The following PALD1 variants were observed in gnomAD, a reference collection of about 807,000 sequenced individuals.
PALD1 encodes the protein paladin.
A neutral mutation model predicts 96.0 loss-of-function variants in PALD1; 57 were observed. That is an observed-to-expected ratio of 0.59 (90% CI 0.48 to 0.74). The LOEUF (loss-of-function observed/expected upper bound fraction) is 0.74, where lower values mean the gene tolerates loss of function less well. Among genes scored for constraint, PALD1 ranks in the 30% least tolerant of loss-of-function variants. PALD1 has a pLI of 0.00. For missense variants in PALD1, 1,063 were observed against 1,143.7 expected, an observed-to-expected ratio of 0.93 and a Z score of 1.02; for synonymous variants, 464 against 473.6, an observed-to-expected ratio of 0.98 and a Z score of 0.26.
In PALD1 at chr10:70,539,118, G is replaced by A; in HGVS notation, c.1596G>A (p.Leu532=). ...CCCTGGGGAGCATCCTGGCCTACCT[G>A]ACGGACGCCAAGAGGAGGCTGCGGA... is the stretch of plus-strand genomic sequence containing the variant. ...AKALGSILAY[L]TDAKRRLRKV... is the part of the protein sequence containing the mutation. Residue 532 remains leucine, a synonymous_variant, in exon 14 of 20, where the codon CTG becomes CTA. Coordinates refer to ENST00000263563, the MANE Select transcript of PALD1 (RefSeq NM_014431.3). The surrounding 1 kb of genome is among the most constrained non-coding windows in gnomAD (Gnocchi z 4.5). 1 of 1,613,948 alleles carries A rather than the reference G, an allele frequency of 6.2e-7. No individual in the cohort carries two copies. The highest frequency in any genetic ancestry group is 1.1e-5 in the South Asian group (1 of 91,074).
chr10:70,525,408 G>A (rs1366040172), intron 1 of PALD1, among the ~76,000 whole-genome samples: 1 of 151,880 alleles, frequency 6.6e-6, no homozygotes, highest in African/African-American at 2.4e-5. Context: ...GACTTCCCTG[G>A]CCTTATTTTA....
chr10:70,466,867 G>C, the PALD1 span, among the ~76,000 whole-genome samples: 5 of 152,144 alleles, frequency 3.3e-5, no homozygotes, highest in Non-Finnish European at 5.9e-5. Context: ...CCAGGGCTCC[G>C]AGAGTCCCCT....
At chr10:70,529,122 G>T (rs192267083) in intron 2 of PALD1, 107 bp from the exon 3 acceptor site, 4 of 626,210 alleles carry the variant, frequency 6.4e-6, no homozygotes, top group Admixed American at 4.6e-5. Context: ...GCCACAAATC[G>T]TAGCCACAGG....
At chr10:70,493,050 C>T (rs1846125231) in intron 1 of PALD1, among the ~76,000 whole-genome samples, 1 of 152,102 alleles carries the variant, frequency 6.6e-6, no homozygotes, top group South Asian at 2.1e-4. Flanking sequence ...GTGCGAGCTA[C>T]AGGAAACAAA....
intron 1 of PALD1, among the ~76,000 whole-genome samples, chr10:70,515,608 A>T (rs1275540221): frequency 6.6e-6 from 1 of 152,004 alleles, no homozygotes; most frequent in Non-Finnish European, 1.5e-5. Flanking sequence ...GTGTGGGGGG[A>T]TGAGGTCAGG....
At chr10:70,491,099 C>T (rs978237346) in intron 1 of PALD1, among the ~76,000 whole-genome samples, 2 of 152,164 alleles carry the variant, frequency 1.3e-5, no homozygotes, top group Non-Finnish European at 2.9e-5. Flanking sequence ...TCACCTGCCA[C>T]CACGCCTGGC....
At chr10:70,517,661 G>A (rs1846646926) in intron 1 of PALD1, among the ~76,000 whole-genome samples, 1 of 152,002 alleles carries the variant, frequency 6.6e-6, no homozygotes, top group South Asian at 2.1e-4. Flanking sequence ...AGTTTGATCA[G>A]CATTGGCAAA....
chr10:70,482,277 G>A (rs532002640), intron 1 of PALD1, among the ~76,000 whole-genome samples: 44 of 152,282 alleles, frequency 2.9e-4, no homozygotes, highest in African/African-American at 9.4e-4. Context: ...CTGGGCGGGC[G>A]TATGGAAGCT....
chr10:70,460,924 A>G, the PALD1 span, among the ~76,000 whole-genome samples: 1 of 152,162 alleles, frequency 6.6e-6, no homozygotes, highest in Non-Finnish European at 1.5e-5. Context: ...GCGTGGTGGC[A>G]TGCGCCTGTA....
At chr10:70,517,979 C>T (rs1248835419) in intron 1 of PALD1, among the ~76,000 whole-genome samples, 1 of 152,120 alleles carries the variant, frequency 6.6e-6, no homozygotes, top group East Asian at 1.9e-4. Flanking sequence ...TCTCGGCTTA[C>T]TGCAACCTCT....
chr10:70,513,806 G>A (rs1332177626), intron 1 of PALD1, among the ~76,000 whole-genome samples: 2 of 152,286 alleles, frequency 1.3e-5, no homozygotes, highest in South Asian at 2.1e-4. Flanking sequence ...TAGACAGAGC[G>A]GCAGAGCAGA....
At chr10:70,535,668 CTT>C (rs1847100270) in intron 10 of PALD1, among the ~76,000 whole-genome samples, 2 of 120,534 alleles carry the variant, frequency 1.7e-5, no homozygotes, top group Non-Finnish European at 3.7e-5. Flanking sequence ...TCTCCTCCTC[CTT>C]CTCCTTTCTT....
intron 18 of PALD1, among the ~76,000 whole-genome samples, chr10:70,558,675 AT>A: frequency 6.7e-6 from 1 of 148,224 alleles, no homozygotes; most frequent in Middle Eastern, 3.4e-3. Flanking sequence ...AGTAAGAAGA[AT>A]TTTAGCAAAT....
At chr10:70,543,203 A>T (rs1386342260) in intron 17 of PALD1, among the ~76,000 whole-genome samples, 3 of 151,690 alleles carry the variant, frequency 2.0e-5, no homozygotes. Context: ...TCTTCTTTGG[A>T]GAAATGTCTG....
Position 70,566,890 on chromosome 10 carries a change from GAACTTTTTATAGGAC to G in PALD1, c.*159_*173del. 1 of 585,562 alleles carries G rather than the reference GAACTTTTTATAGGAC, an allele frequency of 1.7e-6. No homozygotes were observed. Among genetic ancestry groups the G allele is most frequent in the Non-Finnish European group, 3.0e-6 (1 of 333,160 alleles). 36.3% of individuals were successfully genotyped at this position (585,562 alleles called of 1,614,324 possible). A position where few individuals can be genotyped will look rare whatever the true frequency, so the allele number is the denominator to read the frequency against. ...GCGGAGTTGGGAGCCTTTTTAGAAAGAACTTTTTATAGGACAGGGAGACAGCACAGCCATCCCTTG... is the reference window on the plus strand; with the variant it reads ...GCGGAGTTGGGAGCCTTTTTAGAAAGAGGGAGACAGCACAGCCATCCCTTG... On this transcript the variant is annotated 3_prime_UTR_variant, in exon 20 of 20. Transcript: ENST00000263563.
At chr10:70,551,581 C>T (rs1016121525) in intron 18 of PALD1, among the ~76,000 whole-genome samples, 2 of 152,198 alleles carry the variant, frequency 1.3e-5, no homozygotes, top group Non-Finnish European at 2.9e-5. Flanking sequence ...GCTTGGCTTC[C>T]TGCCCCTCAC....
intron 18 of PALD1, among the ~76,000 whole-genome samples, chr10:70,548,252 C>T (rs149094434): frequency 0.01 from 1,527 of 152,228 alleles, 25 homozygotes; most frequent in African/African-American, 0.034. Context: ...TTGCGGTGAG[C>T]CAAGATCGTG....
intron 18 of PALD1, among the ~76,000 whole-genome samples, chr10:70,553,989 CT>C (rs925103652): frequency 3.3e-5 from 5 of 152,322 alleles, no homozygotes; most frequent in African/African-American, 1.2e-4. Context: ...AGCCTCGACC[CT>C]TCTCTCTATG....
At chr10:70,547,105 G>T (rs1188005541) in intron 17 of PALD1, among the ~76,000 whole-genome samples, 1 of 152,160 alleles carries the variant, frequency 6.6e-6, no homozygotes, top group Non-Finnish European at 1.5e-5. Context: ...AAAAAGAAAA[G>T]CATCTGGGTA....
Sources: allele counts gnomAD v4.1 joint callset (sites outside exome capture counted in the v4.1 genomes callset), GRCh38; gene constraint gnomAD v4.1.1; non-coding constraint Gnocchi (gnomAD v3.1); transcripts MANE v1.5; gene names NCBI Gene and HGNC (gene_info 2026-07-23, HGNC 2026-07-21).